HDAC9: variants seen among roughly 807,000 people sequenced by gnomAD.
HDAC9 encodes the protein histone deacetylase 9, also known as MEF-2 interacting transcription repressor (MITR) protein.
HDAC9 carries 41 observed loss-of-function variants against 139.4 expected under a neutral mutation model. The observed-to-expected ratio is 0.29, with a 90% CI of 0.23 to 0.38. The LOEUF is 0.38. Among genes scored for constraint, HDAC9 ranks in the 10% least tolerant of loss-of-function variants. The probability of loss-of-function intolerance (pLI) is 1.00; values close to 1 mark genes in which losing one functional copy is unlikely to be tolerated. For synonymous variants in HDAC9, 517 were observed against 476.2 expected (o/e 1.09, Z -1.12); for missense variants, 1,147 against 1,297.0 (o/e 0.88, Z 1.78).
At chr7:18,353,763 T>C (rs1783039079) in intron 1 of HDAC9, among the ~76,000 whole-genome samples, 2 of 152,210 alleles carry the variant, frequency 1.3e-5, no homozygotes. Flanking sequence ...TTTGCACCTT[T>C]GTGTTTTATA....
intron 1 of HDAC9, among the ~76,000 whole-genome samples, chr7:18,137,783 C>G (rs938169539): frequency 2.0e-5 from 3 of 152,154 alleles, no homozygotes; most frequent in Non-Finnish European, 4.4e-5. Context: ...GGTTGTGTCT[C>G]TGCCCGGCTT....
intron 1 of HDAC9, among the ~76,000 whole-genome samples, chr7:18,091,886 TGCCATGTG>T (rs1314189812): frequency 6.6e-6 from 1 of 152,260 alleles, no homozygotes; most frequent in African/African-American, 2.4e-5. Context: ...TGTTATTCTT[TGCCATGTG>T]GCCCTCTCAT....
rs1788231180 is a variant in HDAC9, at chr7:18,749,158, A to C, written c.2043+20A>C. 2 of 1,611,400 alleles carry C rather than the reference A, an allele frequency of 1.2e-6. No homozygotes were observed. The highest frequency in any genetic ancestry group is 1.7e-5 in the Admixed American group (1 of 59,710). The stretch of plus-strand genomic sequence containing the variant: ...TGTGAGGTAATCCAGAATTGGACAC[A>C]CTCTTTTACTTACTTAAATAAATCA... On this transcript the variant is annotated intron_variant, in intron 14 of 25. Transcript: ENST00000686413.
At chr7:18,778,622 C>A (rs2129169452) in intron 16 of HDAC9, among the ~76,000 whole-genome samples, 1 of 152,114 alleles carries the variant, frequency 6.6e-6, no homozygotes, top group Non-Finnish European at 1.5e-5. Flanking sequence ...ACCAGCAGTT[C>A]ACTGAAATTG....
chr7:18,237,391 A>G (rs1037501326), intron 2 of HDAC9, among the ~76,000 whole-genome samples: 1 of 152,212 alleles, frequency 6.6e-6, no homozygotes, highest in Non-Finnish European at 1.5e-5. Context: ...TCAATTAAGG[A>G]AAATCACTTT....
At chr7:18,863,947 T>A (rs77748448) in intron 21 of HDAC9, among the ~76,000 whole-genome samples, 1,872 of 152,282 alleles carry the variant, frequency 0.012, 19 homozygotes, top group South Asian at 0.019. Flanking sequence ...AGTACAAATA[T>A]CTCTTTGAGA....
intron 1 of HDAC9, among the ~76,000 whole-genome samples, chr7:18,328,618 G>GAACCATCCT (rs1183529267): frequency 6.6e-6 from 1 of 151,830 alleles, no homozygotes; most frequent in Non-Finnish European, 1.5e-5. Context: ...TGCAGATATT[G>GAACCATCCT]AACCATCCTT....
chr7:18,969,727 G>C (rs905341189), intron 24 of HDAC9, among the ~76,000 whole-genome samples: 1 of 151,618 alleles, frequency 6.6e-6, no homozygotes, highest in Non-Finnish European at 1.5e-5. Context: ...ACTTTGGATG[G>C]ATTAATGGCA....
In HDAC9 at chr7:18,996,327, A is replaced by C. The variant is rs1786461130; in HGVS notation, c.*265A>C. ...AGAAACTGCTTCCAGCATGCTTTTA[A>C]TATGCTGGGTGACCCACTCCTAGAC... On this transcript the variant is annotated 3_prime_UTR_variant, in exon 26 of 26. Coordinates refer to ENST00000686413, the MANE Select transcript of HDAC9 (RefSeq NM_178425.4). The C allele has an allele frequency of 2.6e-6, 1 of 377,476 alleles. No homozygotes were observed. The highest frequency in any genetic ancestry group is 5.0e-6 in the Non-Finnish European group (1 of 201,958). 23.4% of individuals were successfully genotyped at this position (377,476 alleles called of 1,614,324 possible). A position where few individuals can be genotyped will look rare whatever the true frequency, so the allele number is the denominator to read the frequency against.
At chr7:18,617,589 C>G (rs1838996705) in intron 6 of HDAC9, among the ~76,000 whole-genome samples, 1 of 152,176 alleles carries the variant, frequency 6.6e-6, no homozygotes, top group Non-Finnish European at 1.5e-5. Flanking sequence ...CAGGCCACCC[C>G]AGATAGTCAC....
At chr7:18,274,193 AT>A (rs1397502542) in intron 2 of HDAC9, among the ~76,000 whole-genome samples, 7 of 152,190 alleles carry the variant, frequency 4.6e-5, no homozygotes, top group African/African-American at 1.7e-4. Flanking sequence ...CTATTAGTTC[AT>A]TTTGTGTTGC....
intron 22 of HDAC9, among the ~76,000 whole-genome samples, chr7:18,896,084 A>C (rs749362050): frequency 1.3e-5 from 2 of 152,102 alleles, no homozygotes; most frequent in Non-Finnish European, 2.9e-5. Context: ...CCTAATGTAC[A>C]TTAAATTCCA....
At chr7:18,207,209 G>C (rs1329160009) in intron 2 of HDAC9, among the ~76,000 whole-genome samples, 1 of 152,056 alleles carries the variant, frequency 6.6e-6, no homozygotes, top group African/African-American at 2.4e-5. Flanking sequence ...AGTGTGCTGG[G>C]ATTACAGGCA....
chr7:18,460,189 G>A (rs1053136792), intron 1 of HDAC9, among the ~76,000 whole-genome samples: 4 of 151,974 alleles, frequency 2.6e-5, no homozygotes, highest in African/African-American at 7.3e-5. Context: ...CCAAAGTTAT[G>A]TTTGCTTCTA....
chr7:18,252,747 G>A (rs1335755390), intron 2 of HDAC9, among the ~76,000 whole-genome samples: 1 of 151,640 alleles, frequency 6.6e-6, no homozygotes, highest in Non-Finnish European at 1.5e-5. Flanking sequence ...ATTATTAAAA[G>A]AGAAATTAAG....
At chr7:18,198,318 A>T (rs1214476894) in intron 2 of HDAC9, among the ~76,000 whole-genome samples, 8 of 152,180 alleles carry the variant, frequency 5.3e-5, no homozygotes, top group Admixed American at 2.0e-4. Context: ...AAAAGAAAAA[A>T]ATATAAGCAG....
chr7:18,202,677 A>G (rs1034776636), intron 2 of HDAC9, among the ~76,000 whole-genome samples: 6 of 152,236 alleles, frequency 3.9e-5, no homozygotes, highest in African/African-American at 1.4e-4. Context: ...CATGATTATT[A>G]AGATGAATTC....
chr7:18,554,137 CCTT>C lies in HDAC9; in HGVS notation c.23-31139_23-31137del, dbSNP rs556184849. ...CTCTAGAGAAGGTATTAATTCTAAT[CCTT>C]CTTCCTTAGAACAGTTGGAAGATCT... On this transcript the variant is annotated intron_variant, in intron 2 of 25. Coordinates refer to ENST00000686413, the MANE Select transcript of HDAC9 (RefSeq NM_178425.4). Among the ~76,000 whole-genome samples, 21 of 152,156 alleles carry C rather than the reference CCTT, an allele frequency of 1.4e-4. No homozygotes were observed. The South Asian group carries it at 4.4e-3, about 32-fold the overall frequency.
At chr7:18,979,444 C>T (rs1374729473) in intron 25 of HDAC9, among the ~76,000 whole-genome samples, 3 of 152,154 alleles carry the variant, frequency 2.0e-5, no homozygotes, top group African/African-American at 4.8e-5. Context: ...AAATGTTGCA[C>T]AAATTATTCA....
Sources: allele counts gnomAD v4.1 joint callset (sites outside exome capture counted in the v4.1 genomes callset), GRCh38; gene constraint gnomAD v4.1.1; transcripts MANE v1.5; gene names NCBI Gene and HGNC (gene_info 2026-07-23, HGNC 2026-07-21).